PTPRT: variants seen among roughly 807,000 people sequenced by gnomAD.
The protein encoded by PTPRT is protein tyrosine phosphatase receptor type T, also known as receptor-type tyrosine-protein phosphatase T.
PTPRT carries 56 observed loss-of-function variants against 176.8 expected under a neutral mutation model. The observed-to-expected ratio is 0.32, with a 90% CI of 0.26 to 0.40. The LOEUF is 0.40. PTPRT is among the 10% of genes least tolerant of loss of function. PTPRT has a pLI of 1.00. For synonymous variants in PTPRT, 783 were observed against 739.0 expected (o/e 1.06, Z -0.96); for missense variants, 1,540 against 1,908.2 (o/e 0.81, Z 3.60).
At chr20:42,542,008 C>G (rs1466006683) in intron 7 of PTPRT, among the ~76,000 whole-genome samples, 1 of 151,968 alleles carries the variant, frequency 6.6e-6, no homozygotes, top group Non-Finnish European at 1.5e-5. Context: ...TAGGTTTTTC[C>G]CATGCTGTTC....
At chr20:43,109,456 C>A (rs944462483) in intron 1 of PTPRT, among the ~76,000 whole-genome samples, 4 of 152,120 alleles carry the variant, frequency 2.6e-5, no homozygotes, top group African/African-American at 9.7e-5. Context: ...AGTTGTGAGA[C>A]CTGACTTCAC....
intron 6 of PTPRT, among the ~76,000 whole-genome samples, chr20:42,696,705 T>C (rs893582783): frequency 2.0e-5 from 3 of 152,158 alleles, no homozygotes; most frequent in East Asian, 3.9e-4. Flanking sequence ...TCCACCTGCT[T>C]TGGCCTTCCG....
chr20:42,578,394 G>C (rs1460300736), intron 7 of PTPRT, among the ~76,000 whole-genome samples: 1 of 152,130 alleles, frequency 6.6e-6, no homozygotes, highest in Admixed American at 6.5e-5. Flanking sequence ...AACTAATCAT[G>C]GTGCAGATGT....
At chr20:42,176,732 A>T (rs1325245572) in intron 16 of PTPRT, among the ~76,000 whole-genome samples, 1 of 152,014 alleles carries the variant, frequency 6.6e-6, no homozygotes, top group East Asian at 1.9e-4. Context: ...AACTAGAAAA[A>T]CTCAATTTTG....
intron 11 of PTPRT, among the ~76,000 whole-genome samples, chr20:42,332,998 A>T (rs184651227): frequency 6.6e-6 from 1 of 152,360 alleles, no homozygotes; most frequent in East Asian, 1.9e-4. Context: ...AAAAGAGTAT[A>T]AAAAGTTTAC....
intron 9 of PTPRT, among the ~76,000 whole-genome samples, chr20:42,432,940 G>A (rs150668648): frequency 6.2e-4 from 95 of 152,258 alleles, no homozygotes; most frequent in Non-Finnish European, 9.3e-4. Context: ...TCTTGAGACT[G>A]TTTTCCCAGG....
At chr20:42,342,220 T>A (rs747763733) in intron 11 of PTPRT, among the ~76,000 whole-genome samples, 1 of 152,212 alleles carries the variant, frequency 6.6e-6, no homozygotes, top group Non-Finnish European at 1.5e-5. Context: ...ATATGTAGAC[T>A]GTGGGACAAC....
intron 7 of PTPRT, among the ~76,000 whole-genome samples, chr20:42,593,303 A>T (rs1299076481): frequency 1.3e-5 from 2 of 151,898 alleles, no homozygotes; most frequent in African/African-American, 4.8e-5. Flanking sequence ...TTGAAACTCT[A>T]CTCTGAAATA....
intron 12 of PTPRT, among the ~76,000 whole-genome samples, chr20:42,304,481 A>T (rs2057515532): frequency 6.6e-6 from 1 of 152,122 alleles, no homozygotes; most frequent in Non-Finnish European, 1.5e-5. Flanking sequence ...TATAAAGTTG[A>T]TACTATGGGT....
chr20:42,375,799 G>T (rs1244867120), intron 9 of PTPRT, among the ~76,000 whole-genome samples: 1 of 152,124 alleles, frequency 6.6e-6, no homozygotes, highest in African/African-American at 2.4e-5. Context: ...CAGGGTGAAG[G>T]CTTATAGAAT....
intron 22 of PTPRT, among the ~76,000 whole-genome samples, chr20:42,111,817 T>TAATC (rs1347030762): frequency 6.6e-6 from 1 of 152,182 alleles, no homozygotes; most frequent in African/African-American, 2.4e-5. Flanking sequence ...TCTGCACTCT[T>TAATC]AATCATTCTA....
chr20:42,875,511 G>C (rs1019048307), intron 2 of PTPRT, among the ~76,000 whole-genome samples: 1 of 152,158 alleles, frequency 6.6e-6, no homozygotes, highest in African/African-American at 2.4e-5. Context: ...ACTTTTCTCA[G>C]AGCTGTTTGG....
At chr20:42,088,128 C>T (rs1308159811) in intron 27 of PTPRT, among the ~76,000 whole-genome samples, 5 of 152,128 alleles carry the variant, frequency 3.3e-5, no homozygotes, top group African/African-American at 1.2e-4. Flanking sequence ...ATTGCGGCTG[C>T]AGGCTCGCTG....
At chr20:42,918,699 G>A (rs1978944958) in intron 1 of PTPRT, among the ~76,000 whole-genome samples, 1 of 152,136 alleles carries the variant, frequency 6.6e-6, no homozygotes. Flanking sequence ...TAGAAGGAAG[G>A]GAGACAAAGA....
At chr20:42,375,060 G>A (rs565142028) in intron 9 of PTPRT, among the ~76,000 whole-genome samples, 9 of 152,270 alleles carry the variant, frequency 5.9e-5, no homozygotes, top group African/African-American at 1.7e-4. Flanking sequence ...GCCATAGCTT[G>A]AAGTTAATCC....
chr20:42,305,581 TTGAG>T (rs1443970616), intron 12 of PTPRT, among the ~76,000 whole-genome samples: 9 of 152,270 alleles, frequency 5.9e-5, no homozygotes, highest in Admixed American at 1.3e-4. Context: ...AATAACTGAA[TTGAG>T]TATCAGTTTT....
In PTPRT at chr20:42,596,070, T is replaced by C. The variant is rs370246531; in HGVS notation, c.1153+81796A>G. Among the ~76,000 whole-genome samples the C allele has an allele frequency of 1.7e-4, 26 of 152,258 alleles. 1 individual carries two copies. Among genetic ancestry groups the C allele is most frequent in the East Asian group, 1.4e-3 (7 of 5,164 alleles). On this transcript the variant is annotated intron_variant, in intron 7 of 30. Transcript: ENST00000373187. ...AACAATAATTTATTCATTCATCCACTGGTAATAAAGGCAGGGCTGTGATCA... is the reference window on the plus strand; with the variant it reads ...AACAATAATTTATTCATTCATCCACCGGTAATAAAGGCAGGGCTGTGATCA...
At chr20:42,722,450 G>A (rs1444958621) in intron 6 of PTPRT, among the ~76,000 whole-genome samples, 1 of 152,156 alleles carries the variant, frequency 6.6e-6, no homozygotes, top group Non-Finnish European at 1.5e-5. Context: ...TCTGACATTG[G>A]ATGGAAGCTC....
At chr20:42,722,798 G>A (rs966581148) in intron 6 of PTPRT, among the ~76,000 whole-genome samples, 14 of 152,156 alleles carry the variant, frequency 9.2e-5, no homozygotes, top group Non-Finnish European at 1.6e-4. Flanking sequence ...AAAAGGCCAC[G>A]CATGGCCAAC....
Sources: gnomAD v4.1 joint callset for allele counts (sites outside exome capture counted in the v4.1 genomes callset) on GRCh38, gnomAD v4.1.1 for gene constraint, MANE v1.5 for transcripts, NCBI Gene and HGNC (gene_info 2026-07-23, HGNC 2026-07-21) for gene names.